Variants in CUL4A observed in about 807,000 individuals in gnomAD.
CUL4A encodes cullin 4A.
CUL4A carries 16 observed loss-of-function variants against 95.5 expected under a neutral mutation model. The ratio of observed to expected loss-of-function variants is 0.17; its 90% confidence interval spans 0.11 to 0.25. The LOEUF (loss-of-function observed/expected upper bound fraction) is 0.25, where lower values mean the gene tolerates loss of function less well. Ranked by LOEUF, CUL4A falls within the 10% of genes least tolerant of loss-of-function variation. CUL4A has a pLI of 1.00. For missense variants in CUL4A, 610 were observed against 937.0 expected, an observed-to-expected ratio of 0.65 and a Z score of 4.56; for synonymous variants, 380 against 353.1, an observed-to-expected ratio of 1.08 and a Z score of -0.85.
chr13:113,221,641 C>T (rs549727354), intron 3 of CUL4A, among the ~76,000 whole-genome samples: 3 of 152,236 alleles, frequency 2.0e-5, no homozygotes, highest in African/African-American at 7.2e-5. Flanking sequence ...TGCAGTGGCA[C>T]GATCTCGGCT....
At chr13:113,208,225 C>T (rs2040078590), upstream of CUL4A, 1 of 1,509,136 alleles carries the variant, frequency 6.6e-7, no homozygotes. Flanking sequence ...AAACAGCGTC[C>T]ATCCGACACA....
At chr13:113,246,802 A>G (rs1459002376) in intron 15 of CUL4A, among the ~76,000 whole-genome samples, 1 of 152,236 alleles carries the variant, frequency 6.6e-6, no homozygotes, top group Non-Finnish European at 1.5e-5. Flanking sequence ...GTTTTATTTA[A>G]CACATCAGGC....
chr13:113,241,858 TG>T (rs2041721796), intron 10 of CUL4A, among the ~76,000 whole-genome samples: 2 of 152,074 alleles, frequency 1.3e-5, no homozygotes, highest in South Asian at 2.1e-4. Flanking sequence ...CGTGTGTGTG[TG>T]ATGTGTGAGT....
rs916108376 is a variant in CUL4A, at chr13:113,209,960, C to T, written c.149-13C>T. 8.7e-6 allele frequency: 13 copies of T among 1,493,202 alleles called. No individual in the cohort carries two copies. The highest frequency in any genetic ancestry group is 1.2e-5 in the Non-Finnish European group (13 of 1,123,150). 92.5% of individuals were successfully genotyped at this position (1,493,202 alleles called of 1,614,324 possible). On this transcript the variant is annotated splice_polypyrimidine_tract_variant and intron_variant, in intron 1 of 19. Coordinates refer to ENST00000375440, the MANE Select transcript of CUL4A (RefSeq NM_001008895.4). ...GCGCGCCCTGAGCCGCCCGCTCTCC[C>T]TCCGCCCTGCAGACAGACCTCGGCT...
chr13:113,260,147 T>TGAGCC (rs1316735248), intron 18 of CUL4A, among the ~76,000 whole-genome samples: 2 of 126,714 alleles, frequency 1.6e-5, no homozygotes, highest in Non-Finnish European at 3.2e-5. Flanking sequence ...GAGCTTGTAG[T>TGAGCC]GAGCCGAGAT....
chr13:113,244,488 T>G lies in CUL4A; in HGVS notation c.1307T>G (p.Ile436Ser). ...GAGCTGGAGCGGACGTTGGACAAGATCATGATCCTGTTCAGGTTTATCCAC... is the reference window on the plus strand; with the variant it reads ...GAGCTGGAGCGGACGTTGGACAAGAGCATGATCCTGTTCAGGTTTATCCAC... ...DEELERTLDK[I>S]MILFRFIHGK... Residue 436 changes from isoleucine (I) to serine (S), a missense_variant, in exon 12 of 20, where the codon ATC becomes AGC. By Grantham distance (142) the Ile-to-Ser change is moderately radical (BLOSUM62 -2). Around this residue, in one of 10 missense-constraint regions of CUL4A, gnomAD observed 153 missense variants for 244.5 expected, o/e 0.63. Coordinates refer to ENST00000375440, the MANE Select transcript of CUL4A (RefSeq NM_001008895.4). 1.2e-6 allele frequency: 2 copies of G among 1,613,208 alleles called. No individual in the cohort carries two copies. The highest frequency in any genetic ancestry group is 1.7e-6 in the Non-Finnish European group (2 of 1,179,660).
rs74386200 is a variant in CUL4A at position 113,255,845 on chromosome 13, T to C, written c.2031+720T>C. On this transcript the variant is annotated intron_variant, in intron 18 of 19. Transcript: ENST00000375440. ...GTTTCCAAGTTTTGGTGATGATGAC[T>C]AAAGCTGCTATAAACATTTCTGTGC... Among the ~76,000 whole-genome samples the C allele has an allele frequency of 8.6e-3, 1,306 of 152,352 alleles. 23 individuals are homozygous for C. The highest frequency in any genetic ancestry group is 0.03 in the African/African-American group (1,263 of 41,572).
At chr13:113,244,764 C>T (rs112746747) in intron 12 of CUL4A, among the ~76,000 whole-genome samples, 185 bp from the exon 13 acceptor site, 117 of 150,934 alleles carry the variant, frequency 7.8e-4, no homozygotes, top group Middle Eastern at 3.4e-3. Context: ...GGCGTGAACG[C>T]GGGAGGCGGA....
chr13:113,244,561 A>G lies in CUL4A; in HGVS notation c.1333+47A>G, dbSNP rs751808303. The G allele has an allele frequency of 5.9e-6, 8 of 1,367,372 alleles. No individual in the cohort carries two copies. The African/African-American group carries it at 1.0e-4, about 17-fold the overall frequency. The allele number at this position is 1,367,372 out of a possible 1,614,324, so 84.7% of individuals were successfully genotyped here. A position where few individuals can be genotyped will look rare whatever the true frequency, so the allele number is the denominator to read the frequency against. ...AATGCTGCATAATCAAGAGGTGTAA[A>G]CAGGCCCTGCTTTCCCAGAGGAGGT... On this transcript the variant is annotated intron_variant, in intron 12 of 19. Transcript: ENST00000375440.
At chr13:113,257,081 C>T (rs1255083115) in intron 18 of CUL4A, among the ~76,000 whole-genome samples, 3 of 151,912 alleles carry the variant, frequency 2.0e-5, no homozygotes, top group African/African-American at 7.3e-5. Flanking sequence ...TGTGCCACCA[C>T]ACTCAACTAA....
intron 5 of CUL4A, among the ~76,000 whole-genome samples, chr13:113,232,136 CCGCCCACCACCA>C (rs2041353826): frequency 2.1e-5 from 3 of 144,568 alleles, no homozygotes; most frequent in East Asian, 2.0e-4. Flanking sequence ...TCACCACTAC[CCGCCCACCACCA>C]TTACTGCTGC....
intron 3 of CUL4A, among the ~76,000 whole-genome samples, chr13:113,221,504 G>A (rs1053287375): frequency 2.6e-5 from 4 of 152,222 alleles, no homozygotes; most frequent in South Asian, 2.1e-4. Context: ...CCGAATGGCG[G>A]TGGCAAAAGC....
chr13:113,213,097 GTAT>G (rs1257520866), intron 2 of CUL4A, among the ~76,000 whole-genome samples: 1 of 152,010 alleles, frequency 6.6e-6, no homozygotes, highest in Non-Finnish European at 1.5e-5. Context: ...ATTCTTAACA[GTAT>G]TGAGAGTCTG....
rs751631994 is a variant in CUL4A, at chr13:113,218,896, C to T, written c.265-49C>T. On this transcript the variant is annotated intron_variant, in intron 2 of 19. Coordinates refer to ENST00000375440, the MANE Select transcript of CUL4A (RefSeq NM_001008895.4). Reference sequence around the variant, plus strand: ...GTTAACAATAGGGTTTTTTTATGAACCAATCTGTTGTTCATACTGAAGAAT... The same window carrying T: ...GTTAACAATAGGGTTTTTTTATGAATCAATCTGTTGTTCATACTGAAGAAT... The T allele has an allele frequency of 1.7e-3, 2,287 of 1,333,960 alleles. 39 individuals are homozygous for T. In the African/African-American group the frequency reaches 0.03, roughly 18 times the overall value. 82.6% of individuals were successfully genotyped at this position (1,333,960 alleles called of 1,614,324 possible).
chr13:113,255,284 T>C (rs147417520), intron 18 of CUL4A, among the ~76,000 whole-genome samples, 159 bp downstream of exon 18: 1 of 152,348 alleles, frequency 6.6e-6, no homozygotes, highest in Non-Finnish European at 1.5e-5. Context: ...CCTGTCGCTT[T>C]CATTAACTTC....
intron 18 of CUL4A, among the ~76,000 whole-genome samples, chr13:113,256,400 G>T (rs1414337530): frequency 6.6e-6 from 1 of 152,146 alleles, no homozygotes; most frequent in African/African-American, 2.4e-5. Flanking sequence ...CTGTGCACTT[G>T]TTAGATTGTT....
chr13:113,253,234 A>G (rs1171897021), intron 16 of CUL4A, 39 bp downstream of exon 16: 1 of 1,092,732 alleles, frequency 9.2e-7, no homozygotes, highest in Non-Finnish European at 1.3e-6. Context: ...TTATTTGTAA[A>G]TATGTTAATA....
At chr13:113,237,303 C>T (rs967531094) in intron 9 of CUL4A, among the ~76,000 whole-genome samples, 13 of 152,342 alleles carry the variant, frequency 8.5e-5, no homozygotes, top group South Asian at 2.1e-4. Context: ...CCCTCACCTG[C>T]GGACTTCGTG....
At chr13:113,236,482 G>A (rs1013590266) in intron 8 of CUL4A, among the ~76,000 whole-genome samples, 9 of 152,214 alleles carry the variant, frequency 5.9e-5, no homozygotes, top group Admixed American at 1.3e-4. Context: ...GCCCTTCTCC[G>A]TAAGATGGTG....
Sources: allele counts gnomAD v4.1 joint callset (sites outside exome capture counted in the v4.1 genomes callset), GRCh38; gene constraint gnomAD v4.1.1; regional missense constraint gnomAD v4.1.1; transcripts MANE v1.5; gene names NCBI Gene and HGNC (gene_info 2026-07-23, HGNC 2026-07-21).